Variants in BCKDHB observed in about 807,000 individuals in gnomAD.
BCKDHB encodes 2-oxoisovalerate dehydrogenase subunit beta, mitochondrial.
A neutral mutation model predicts 48.5 loss-of-function variants in BCKDHB; 41 were observed. The observed-to-expected ratio is 0.85, with a 90% CI of 0.66 to 1.10. BCKDHB has a LOEUF of 1.10. BCKDHB is among the 50% of genes least tolerant of loss of function. BCKDHB has a pLI of 0.00. For missense variants in BCKDHB, 496 were observed against 494.2 expected (o/e 1.00, Z -0.03); for synonymous variants, 201 against 174.8 (o/e 1.15, Z -1.18).
intron 1 of BCKDHB, among the ~76,000 whole-genome samples, chr6:80,117,192 C>T (rs1393304432): frequency 6.6e-6 from 1 of 152,162 alleles, no homozygotes. Flanking sequence ...GTTTGAAAAA[C>T]TATTCAGGAG....
intron 1 of BCKDHB, among the ~76,000 whole-genome samples, chr6:80,111,693 A>C (rs1197054295): frequency 6.6e-6 from 1 of 152,238 alleles, no homozygotes; most frequent in Non-Finnish European, 1.5e-5. Flanking sequence ...AACTATTCTC[A>C]GAACCAAATA....
At chr6:80,353,357 CTT>C in the BCKDHB span, among the ~76,000 whole-genome samples, 1 of 152,138 alleles carries the variant, frequency 6.6e-6, no homozygotes, top group Non-Finnish European at 1.5e-5. Context: ...GTGCAGGTAT[CTT>C]TTTGATACAC....
chr6:80,373,461 CT>C, the BCKDHB span, among the ~76,000 whole-genome samples: 2 of 151,946 alleles, frequency 1.3e-5, no homozygotes, highest in African/African-American at 4.8e-5. Flanking sequence ...TCATTTAGTT[CT>C]TCTAGGCTCT....
rs1774052641 is a variant in BCKDHB at position 80,194,633 on chromosome 6, A to C, written c.743-6301A>C. 3.3e-5 allele frequency among the ~76,000 whole-genome samples: 5 copies of C among 152,252 alleles called. No homozygotes were observed. The South Asian group carries it at 1.0e-3, about 32-fold the overall frequency. ...CTGATGTTTCCTCATGATTAAACTC[A>C]AGTTATGTCTTTTTGGCAAGAATAT... is the stretch of plus-strand genomic sequence containing the variant. On this transcript the variant is annotated intron_variant, in intron 6 of 9. Coordinates refer to ENST00000320393, the MANE Select transcript of BCKDHB (RefSeq NM_183050.4).
the BCKDHB span, among the ~76,000 whole-genome samples, chr6:80,460,775 T>A: frequency 5.3e-4 from 80 of 152,250 alleles, no homozygotes; most frequent in African/African-American, 1.5e-3. Flanking sequence ...TGGCTTGAAA[T>A]TACACTGAGT....
chr6:80,260,072 T>C (rs1437666921), intron 8 of BCKDHB, among the ~76,000 whole-genome samples: 2 of 152,164 alleles, frequency 1.3e-5, no homozygotes, highest in African/African-American at 2.4e-5. Flanking sequence ...CTTTAAAACA[T>C]TGGTTGTGGC....
intron 8 of BCKDHB, among the ~76,000 whole-genome samples, chr6:80,211,155 C>T (rs1774915287): frequency 6.6e-6 from 1 of 152,090 alleles, no homozygotes. Context: ...AACTGAAGCA[C>T]AATCATTTAC....
At chr6:80,156,081 G>A (rs1036904518) in intron 3 of BCKDHB, among the ~76,000 whole-genome samples, 5 of 151,774 alleles carry the variant, frequency 3.3e-5, no homozygotes, top group African/African-American at 4.8e-5. Flanking sequence ...CCTGCCTGGG[G>A]TACTGTTTCT....
intron 8 of BCKDHB, among the ~76,000 whole-genome samples, chr6:80,205,651 G>T (rs1328701798): frequency 6.6e-6 from 1 of 151,978 alleles, no homozygotes. Context: ...AGACTTAAAT[G>T]GTCCTAGAAA....
At chr6:80,466,534 ATGTT>A in the BCKDHB span, among the ~76,000 whole-genome samples, 3 of 152,196 alleles carry the variant, frequency 2.0e-5, no homozygotes, top group Non-Finnish European at 4.4e-5. Context: ...ATATATAACT[ATGTT>A]AGGTGATTAA....
chr6:80,434,346 T>C, the BCKDHB span, among the ~76,000 whole-genome samples: 1 of 151,410 alleles, frequency 6.6e-6, no homozygotes, highest in Non-Finnish European at 1.5e-5. Context: ...GTCTACAAAG[T>C]AGACTGAAAT....
the BCKDHB span, among the ~76,000 whole-genome samples, chr6:80,414,148 A>C: frequency 6.6e-6 from 1 of 151,080 alleles, no homozygotes; most frequent in Non-Finnish European, 1.5e-5. Context: ...TAATGGGGTT[A>C]TTTGTTTTTT....
chr6:80,134,293 A>G (rs902598475), intron 3 of BCKDHB, among the ~76,000 whole-genome samples: 1 of 152,142 alleles, frequency 6.6e-6, no homozygotes, highest in Non-Finnish European at 1.5e-5. Context: ...ATTCCTTTAC[A>G]CCACAGGTGT....
chr6:80,401,636 A>T, the BCKDHB span, among the ~76,000 whole-genome samples: 3 of 151,788 alleles, frequency 2.0e-5, no homozygotes, highest in African/African-American at 7.2e-5. Flanking sequence ...AGTATACAAC[A>T]TGGTATTCTT....
the BCKDHB span, among the ~76,000 whole-genome samples, chr6:80,402,310 A>G: frequency 1.3e-5 from 2 of 151,748 alleles, no homozygotes; most frequent in Admixed American, 1.3e-4. Flanking sequence ...TAACCAATCT[A>G]ATAGGCGTGA....
intron 8 of BCKDHB, among the ~76,000 whole-genome samples, chr6:80,248,577 A>G (rs1298481497): frequency 1.3e-5 from 2 of 152,142 alleles, no homozygotes; most frequent in Non-Finnish European, 2.9e-5. Context: ...CTACAGGATC[A>G]GTGGTGCTGT....
rs571531475 is a variant in BCKDHB, at chr6:80,245,125, A to G, written c.952-28010A>G. ...ATAAACAGAATTTTAATGTATGTAA[A>G]GTACTTAGAACACTGTTTGCCACTT... On this transcript the variant is annotated intron_variant, in intron 8 of 9. Coordinates refer to ENST00000320393, the MANE Select transcript of BCKDHB (RefSeq NM_183050.4). Among the ~76,000 whole-genome samples the G allele has an allele frequency of 1.6e-4, 25 of 152,128 alleles. 1 individual carries two copies. The highest frequency in any genetic ancestry group is 4.8e-4 in the African/African-American group (20 of 41,504).
the BCKDHB span, among the ~76,000 whole-genome samples, chr6:80,364,783 A>G: frequency 6.6e-6 from 1 of 152,220 alleles, no homozygotes; most frequent in Non-Finnish European, 1.5e-5. Flanking sequence ...GGCTTTCCCC[A>G]TACAATCAGT....
intron 9 of BCKDHB, among the ~76,000 whole-genome samples, chr6:80,323,181 A>T (rs527748835): frequency 6.0e-4 from 92 of 152,166 alleles, no homozygotes; most frequent in African/African-American, 2.1e-3. Flanking sequence ...ATAATGTCAC[A>T]TGCTTAATAC....
Sources: gnomAD v4.1 joint callset for allele counts (sites outside exome capture counted in the v4.1 genomes callset) on GRCh38, gnomAD v4.1.1 for gene constraint, MANE v1.5 for transcripts, NCBI Gene and HGNC (gene_info 2026-07-23, HGNC 2026-07-21) for gene names.